Variants in TRPM3 observed in about 807,000 individuals in gnomAD.
TRPM3 encodes transient receptor potential cation channel subfamily M member 3, also known as long transient receptor potential channel 3.
In TRPM3, 77 loss-of-function variants were observed where a neutral mutation model predicts 181.2. The ratio of observed to expected loss-of-function variants is 0.42; its 90% confidence interval spans 0.35 to 0.51. The LOEUF is 0.51. Among genes scored for constraint, TRPM3 ranks in the 20% least tolerant of loss-of-function variants. The probability of loss-of-function intolerance (pLI) is 0.01; values close to 1 mark genes in which losing one functional copy is unlikely to be tolerated. For missense variants in TRPM3, 1,759 were observed against 2,196.7 expected (o/e 0.80, Z 3.98); for synonymous variants, 745 against 796.4 (o/e 0.94, Z 1.09).
At chr9:70,928,167 G>A (rs570033628) in intron 1 of TRPM3, among the ~76,000 whole-genome samples, 19 of 152,220 alleles carry the variant, frequency 1.2e-4, no homozygotes, top group Non-Finnish European at 2.5e-4. Context: ...GACTTATGAA[G>A]TGGGTGACAT....
Position 71,018,752 on chromosome 9 carries a change from T to C in TRPM3, c.177+102426A>G, listed in dbSNP as rs2097810273. Among the ~76,000 whole-genome samples, 4 of 151,842 alleles carry C rather than the reference T, an allele frequency of 2.6e-5. No homozygotes were observed. The South Asian group carries it at 8.3e-4, about 31-fold the overall frequency. On this transcript the variant is annotated intron_variant, in intron 1 of 25. Coordinates refer to ENST00000677713, the MANE Select transcript of TRPM3 (RefSeq NM_001366145.2). Reference sequence around the variant, plus strand: ...TATAATACCAAACTTAACCAAATACTTCAGAGGACAGAAAAAGGGAGAATA... The same window carrying C: ...TATAATACCAAACTTAACCAAATACCTCAGAGGACAGAAAAAGGGAGAATA...
At chr9:70,549,452 C>T in intron 25 of TRPM3, 90 bp downstream of exon 25, 1 of 1,433,852 alleles carries the variant, frequency 7.0e-7, no homozygotes, top group South Asian at 1.5e-5. Context: ...CACAAAAGAT[C>T]TCTGTTTTGT....
chr9:70,778,220 G>A (rs542096648), intron 7 of TRPM3, among the ~76,000 whole-genome samples: 1 of 152,278 alleles, frequency 6.6e-6, no homozygotes, highest in South Asian at 2.1e-4. Flanking sequence ...TGCCATTTTT[G>A]TGGATATTAA....
intron 1 of TRPM3, among the ~76,000 whole-genome samples, chr9:71,423,221 CA>C (rs1241638472): frequency 6.6e-6 from 1 of 152,004 alleles, no homozygotes; most frequent in Admixed American, 6.6e-5. Flanking sequence ...CACTTTTTGA[CA>C]GATAACTTTA....
At chr9:71,362,668 G>C (rs2092198195) in intron 1 of TRPM3, among the ~76,000 whole-genome samples, 1 of 152,120 alleles carries the variant, frequency 6.6e-6, no homozygotes, top group Admixed American at 6.6e-5. Flanking sequence ...ATGACTACAG[G>C]TAAACCTTCT....
chr9:70,556,386 A>G (rs1319909749), intron 22 of TRPM3, among the ~76,000 whole-genome samples: 1 of 151,914 alleles, frequency 6.6e-6, no homozygotes, highest in Non-Finnish European at 1.5e-5. Flanking sequence ...GCTTTAACAG[A>G]GGTAGTATTA....
At position 71,055,507 on chromosome 9, in the gene TRPM3, G is replaced by C. The variant is rs553711013; in HGVS notation, c.177+65671C>G. On this transcript the variant is annotated intron_variant, in intron 1 of 25. Transcript: ENST00000677713. ...TTCTCAGCATATATCTTTATAGCCA[G>C]AGCTTGTGAGTGGCAGGAAAGTATT... Among the ~76,000 whole-genome samples, 4 of 152,186 alleles carry C rather than the reference G, an allele frequency of 2.6e-5. No homozygotes were observed. The South Asian group carries it at 8.3e-4, about 32-fold the overall frequency.
At position 70,532,072 on chromosome 9, in the gene TRPM3, G is replaced by T. The variant is rs1485690048; in HGVS notation, c.*3881C>A. 2.0e-5 allele frequency: 3 copies of T among 152,104 alleles called. No homozygotes were observed. The highest frequency in any genetic ancestry group is 4.4e-5 in the Non-Finnish European group (3 of 68,028). 9.4% of individuals were successfully genotyped at this position (152,104 alleles called of 1,614,324 possible). ...TACAACTACGCTGGGTTAAACATGG[G>T]TTACATACATGTTTACATGTGTTTT... is the stretch of plus-strand genomic sequence containing the variant. On this transcript the variant is annotated 3_prime_UTR_variant, in exon 26 of 26. Transcript: ENST00000677713.
intron 1 of TRPM3, among the ~76,000 whole-genome samples, chr9:71,418,780 A>T (rs2093677350): frequency 7.1e-6 from 1 of 140,466 alleles, no homozygotes; most frequent in African/African-American, 2.6e-5. Context: ...CTATATATAG[A>T]GTATATACAT....
intron 9 of TRPM3, among the ~76,000 whole-genome samples, chr9:70,663,589 T>G (rs1449822195): frequency 6.6e-6 from 1 of 152,240 alleles, no homozygotes; most frequent in African/African-American, 2.4e-5. Flanking sequence ...TTTCATATTT[T>G]ATTTGTAATT....
chr9:71,253,957 G>C (rs1254485567), intron 1 of TRPM3, among the ~76,000 whole-genome samples: 1 of 152,164 alleles, frequency 6.6e-6, no homozygotes, highest in Non-Finnish European at 1.5e-5. Context: ...GTCTTGCTCT[G>C]TTACCAGGCT....
intron 12 of TRPM3, among the ~76,000 whole-genome samples, chr9:70,634,342 A>G (rs1564640870): frequency 6.6e-6 from 1 of 152,074 alleles, no homozygotes; most frequent in Non-Finnish European, 1.5e-5. Context: ...CTTGAACTCG[A>G]CCTTAGGTGA....
chr9:70,756,143 A>G (rs1399261867), intron 8 of TRPM3, among the ~76,000 whole-genome samples: 1 of 152,104 alleles, frequency 6.6e-6, no homozygotes, highest in African/African-American at 2.4e-5. Context: ...CAAACAAAAC[A>G]AAACAAAACA....
chr9:71,057,755 A>G lies in TRPM3; in HGVS notation c.177+63423T>C, dbSNP rs376020342. On this transcript the variant is annotated intron_variant, in intron 1 of 25. Transcript: ENST00000677713. ...CATTGGTCATGTATTTTCCAATTTTAGTCCTTCTCATGGCAATTTTTCAAC... is the reference window on the plus strand; with the variant it reads ...CATTGGTCATGTATTTTCCAATTTTGGTCCTTCTCATGGCAATTTTTCAAC... Among the ~76,000 whole-genome samples, 16 of 152,162 alleles carry G rather than the reference A, an allele frequency of 1.1e-4. No individual in the cohort carries two copies. The South Asian group carries it at 1.7e-3, about 16-fold the overall frequency.
At chr9:71,139,732 A>G (rs1465986375) in intron 1 of TRPM3, among the ~76,000 whole-genome samples, 2 of 152,200 alleles carry the variant, frequency 1.3e-5, no homozygotes, top group Admixed American at 6.5e-5. Context: ...GTGCTAAGAA[A>G]TAATAATAAT....
At position 70,885,993 on chromosome 9, in the gene TRPM3, A is replaced by G. The variant is rs376556115; in HGVS notation, c.178-21482T>C. On this transcript the variant is annotated intron_variant, in intron 1 of 25. Transcript: ENST00000677713. The stretch of plus-strand genomic sequence containing the variant: ...TAAAATTTTTCAATCTGTATGTTGT[A>G]ACTGACTCACCAAGAATAATGACAA... Among the ~76,000 whole-genome samples, 818 of 152,348 alleles carry G rather than the reference A, an allele frequency of 5.4e-3. 6 individuals carry two copies. The highest frequency in any genetic ancestry group is 0.019 in the African/African-American group (771 of 41,574).
chr9:71,191,494 T>C (rs568305024), intron 1 of TRPM3, among the ~76,000 whole-genome samples: 2 of 151,832 alleles, frequency 1.3e-5, no homozygotes, highest in South Asian at 2.1e-4. Context: ...CCAACACTTA[T>C]GTATTTGTCG....
At chr9:71,256,271 T>C (rs955386377) in intron 1 of TRPM3, among the ~76,000 whole-genome samples, 3 of 152,192 alleles carry the variant, frequency 2.0e-5, no homozygotes, top group East Asian at 3.9e-4. Flanking sequence ...AATACAGCCT[T>C]GCCTCTGATT....
At chr9:71,031,508 T>C (rs1417988566) in intron 1 of TRPM3, among the ~76,000 whole-genome samples, 1 of 152,162 alleles carries the variant, frequency 6.6e-6, no homozygotes, top group African/African-American at 2.4e-5. Context: ...CAGCATGCAG[T>C]GATACCTAAG....
Sources: allele counts gnomAD v4.1 joint callset (sites outside exome capture counted in the v4.1 genomes callset), GRCh38; gene constraint gnomAD v4.1.1; transcripts MANE v1.5; gene names NCBI Gene and HGNC (gene_info 2026-07-23, HGNC 2026-07-21).